Variants in MAGI1 observed in about 807,000 individuals in gnomAD.
The protein encoded by MAGI1 is membrane associated guanylate kinase, WW and PDZ domain containing 1.
MAGI1 carries 58 observed loss-of-function variants against 139.9 expected under a neutral mutation model. The observed-to-expected ratio is 0.41, with a 90% CI of 0.34 to 0.52. MAGI1 has a LOEUF of 0.52. Among genes scored for constraint, MAGI1 ranks in the 20% least tolerant of loss-of-function variants. The pLI is 0.12. For synonymous variants in MAGI1, 812 were observed against 737.9 expected (o/e 1.10, Z -1.63); for missense variants, 1,874 against 1,901.6 (o/e 0.99, Z 0.27).
At chr3:65,517,674 C>T (rs1049586955) in intron 2 of MAGI1, among the ~76,000 whole-genome samples, 2 of 152,276 alleles carry the variant, frequency 1.3e-5, no homozygotes, top group South Asian at 4.1e-4. Context: ...TCAGTCTCAT[C>T]GCATCCTAAG....
At chr3:65,487,252 C>T (rs1412936738) in intron 3 of MAGI1, among the ~76,000 whole-genome samples, 1 of 152,186 alleles carries the variant, frequency 6.6e-6, no homozygotes, top group African/African-American at 2.4e-5. Flanking sequence ...CCTTTAAAGA[C>T]CTTCGCACAC....
intron 1 of MAGI1, among the ~76,000 whole-genome samples, chr3:65,697,011 A>T (rs1176539512): frequency 6.6e-6 from 1 of 152,242 alleles, no homozygotes; most frequent in African/African-American, 2.4e-5. Flanking sequence ...AGAAGAATCA[A>T]ATAGACACAA....
intron 2 of MAGI1, among the ~76,000 whole-genome samples, chr3:65,605,965 T>G (rs2082719863): frequency 6.6e-6 from 1 of 152,180 alleles, no homozygotes; most frequent in Non-Finnish European, 1.5e-5. Context: ...CTCCTTTGCA[T>G]CCATTCAACT....
chr3:65,863,338 G>A (rs921458536), intron 1 of MAGI1, among the ~76,000 whole-genome samples: 1 of 152,136 alleles, frequency 6.6e-6, no homozygotes, highest in Non-Finnish European at 1.5e-5. Flanking sequence ...ACACTACTGA[G>A]GACTTCTGGA....
chr3:65,430,808 A>G lies in MAGI1; in HGVS notation c.1437T>C (p.Ser479=), dbSNP rs762742605. The change falls in exon 11 of 23, where the codon AGT becomes AGC. Residue 479 remains serine (S), a synonymous_variant. Coordinates refer to ENST00000402939, the MANE Select transcript of MAGI1 (RefSeq NM_001033057.2). ...CAACCACCGTGAAGCCAAAGCCACG[A>G]CTGCTTTTCCGCAGCTTTGTGTGAA... The part of the protein sequence containing the change: ...KFIHTKLRKS[S]RGFGFTVVGG... 2 of 1,613,704 alleles carry G rather than the reference A, an allele frequency of 1.2e-6. No homozygotes were observed. The highest frequency in any genetic ancestry group is 1.7e-6 in the Non-Finnish European group (2 of 1,179,794).
chr3:65,557,099 C>T (rs990941496), intron 2 of MAGI1, among the ~76,000 whole-genome samples: 2 of 152,212 alleles, frequency 1.3e-5, no homozygotes, highest in South Asian at 4.1e-4. Flanking sequence ...TCCAAGATGG[C>T]CATTAATGAG....
At position 65,430,010 on chromosome 3, in the gene MAGI1, A is replaced by G. The variant is rs529538780; in HGVS notation, c.1677T>C (p.Pro559=). 1 of 1,613,984 alleles carries G rather than the reference A, an allele frequency of 6.2e-7. No homozygotes were observed. Among genetic ancestry groups the G allele is most frequent in the East Asian group, 2.2e-5 (1 of 44,846 alleles). The change falls in exon 12 of 23, where the codon CCT becomes CCC. Residue 559 remains proline, a synonymous_variant. Transcript: ENST00000402939. ...TTGTATTGGGGTCATCTGGATCAAA[A>G]GGCAATGGATAACCTCGGCAGAGTT... is the stretch of plus-strand genomic sequence containing the variant. ...DLELCRGYPL[P]FDPDDPNTSL... is the part of the protein sequence containing the mutation.
intron 2 of MAGI1, among the ~76,000 whole-genome samples, chr3:65,600,735 T>C (rs868132242): frequency 9.8e-5 from 15 of 152,306 alleles, no homozygotes; most frequent in African/African-American, 3.6e-4. Flanking sequence ...TGGCAATTTT[T>C]GAGAAATAAC....
At chr3:65,933,023 G>T (rs1391064669) in intron 1 of MAGI1, among the ~76,000 whole-genome samples, 1 of 152,186 alleles carries the variant, frequency 6.6e-6, no homozygotes, top group Non-Finnish European at 1.5e-5. Context: ...AAGACCAAAT[G>T]CTCCATTGAA....
chr3:65,944,845 G>T (rs1393825570), intron 1 of MAGI1, among the ~76,000 whole-genome samples: 1 of 152,162 alleles, frequency 6.6e-6, no homozygotes, highest in African/African-American at 2.4e-5. Context: ...ATAGGGAAAT[G>T]GTTAGGTAAT....
chr3:65,979,023 G>A (rs186924866), intron 1 of MAGI1, among the ~76,000 whole-genome samples: 30 of 147,010 alleles, frequency 2.0e-4, no homozygotes, highest in Admixed American at 5.5e-4. Flanking sequence ...TCTCACTCAC[G>A]TTTTTTTAAA....
intron 1 of MAGI1, among the ~76,000 whole-genome samples, chr3:66,013,760 C>CA (rs372862676): frequency 0.042 from 3,402 of 81,216 alleles, 123 homozygotes; most frequent in African/African-American, 0.13. Flanking sequence ...GACTCTGTCT[C>CA]AAAAAAAAAA....
intron 1 of MAGI1, among the ~76,000 whole-genome samples, chr3:65,782,234 T>C (rs1007778716): frequency 2.6e-5 from 4 of 152,198 alleles, no homozygotes; most frequent in Admixed American, 6.5e-5. Flanking sequence ...TAGGATTATC[T>C]GGGTGGGCCC....
In MAGI1 at chr3:66,026,455, A is replaced by AT. The variant is rs566143048; in HGVS notation, c.313+11540dup. Among the ~76,000 whole-genome samples, 1,414 of 150,272 alleles carry AT rather than the reference A, an allele frequency of 9.4e-3. 9 individuals are homozygous for AT. Among genetic ancestry groups the AT allele is most frequent in the Non-Finnish European group, 0.015 (1,028 of 67,466 alleles). On this transcript the variant is annotated intron_variant, in intron 1 of 22. Coordinates refer to ENST00000402939, the MANE Select transcript of MAGI1 (RefSeq NM_001033057.2). ...TTTCTAGCCAACAAGATCTCAGACA[A>AT]TTTTTTTTTTAATTTTGCCTACTCA...
At chr3:65,407,721 T>A (rs1168933054) in intron 12 of MAGI1, among the ~76,000 whole-genome samples, 1 of 152,176 alleles carries the variant, frequency 6.6e-6, no homozygotes, top group Non-Finnish European at 1.5e-5. Context: ...ACTAAAATAT[T>A]TTTCTAAACA....
intron 1 of MAGI1, among the ~76,000 whole-genome samples, chr3:65,747,228 T>G (rs1161415581): frequency 6.6e-6 from 1 of 152,074 alleles, no homozygotes; most frequent in Non-Finnish European, 1.5e-5. Context: ...CTCTGAGGAG[T>G]CTTAACACTT....
intron 1 of MAGI1, among the ~76,000 whole-genome samples, chr3:66,016,706 G>C (rs1469465368): frequency 6.6e-6 from 1 of 152,190 alleles, no homozygotes; most frequent in Non-Finnish European, 1.5e-5. Flanking sequence ...TCCAAGGGGA[G>C]TGGGAAGATA....
chr3:65,985,679 T>C (rs2065844608), intron 1 of MAGI1, among the ~76,000 whole-genome samples: 1 of 152,174 alleles, frequency 6.6e-6, no homozygotes, highest in African/African-American at 2.4e-5. Context: ...ACTAACTACC[T>C]GTTTGGAGGA....
At chr3:65,371,688 G>A (rs1942015509) in intron 18 of MAGI1, among the ~76,000 whole-genome samples, 1 of 152,156 alleles carries the variant, frequency 6.6e-6, no homozygotes, top group South Asian at 2.1e-4. Context: ...CTCAGACTCT[G>A]CCACTGCTTT....
Sources: allele counts gnomAD v4.1 joint callset (sites outside exome capture counted in the v4.1 genomes callset), GRCh38; gene constraint gnomAD v4.1.1; transcripts MANE v1.5; gene names NCBI Gene and HGNC (gene_info 2026-07-23, HGNC 2026-07-21).